Variants in PASD1 observed in about 807,000 individuals in gnomAD.
PASD1 encodes PAS domain containing repressor 1.
A neutral mutation model predicts 58.8 loss-of-function variants in PASD1; 13 were observed. The observed-to-expected ratio is 0.22, with a 90% CI of 0.14 to 0.35. PASD1 has a LOEUF of 0.35. PASD1 is among the 10% of genes least tolerant of loss of function. PASD1 has a pLI of 1.00. For missense variants in PASD1, 734 were observed against 568.3 expected, an observed-to-expected ratio of 1.29 and a Z score of -2.96; for synonymous variants, 236 against 216.7, an observed-to-expected ratio of 1.09 and a Z score of -0.78.
chrX:151,649,477 T>C (rs1048020694), intron 9 of PASD1, among the ~76,000 whole-genome samples: 10 of 111,862 alleles, frequency 8.9e-5, no homozygotes, highest in African/African-American at 3.3e-4. Flanking sequence ...TCCTCATCTG[T>C]AAAATGGAAG....
rs962019943 is a variant in PASD1 at position 151,650,782 on chromosome X, G to A, written c.717+2080G>A. ...GAGCAATTGGAAATCAATGAGAGGA[G>A]CTTCACAGTTACCAGAGCTTACTAC... On this transcript the variant is annotated intron_variant, in intron 9 of 15. Transcript: ENST00000370357. Among the ~76,000 whole-genome samples the A allele has an allele frequency of 3.6e-5, 4 of 111,784 alleles. No homozygotes were observed. The Admixed American group carries it at 3.8e-4, about 11-fold the overall frequency.
chrX:151,618,186 T>G (rs1454634985), intron 4 of PASD1, among the ~76,000 whole-genome samples: 1 of 112,001 alleles, frequency 8.9e-6, no homozygotes, highest in Non-Finnish European at 1.9e-5. Context: ...TTTCTATCCT[T>G]AATCAAGCCA....
intron 7 of PASD1, 126 bp downstream of exon 7, chrX:151,623,190 G>T: frequency 1.3e-6 from 1 of 768,481 alleles, no homozygotes; most frequent in Non-Finnish European, 1.8e-6. Flanking sequence ...GCAGAGGGTT[G>T]TGCTGGGATA....
chrX:151,635,857 AAG>A (rs1349949634), intron 8 of PASD1, among the ~76,000 whole-genome samples: 1 of 100,106 alleles, frequency 1.0e-5, no homozygotes, highest in Non-Finnish European at 2.1e-5. Context: ...GAAAATTGTT[AAG>A]AGAGTAGATT....
rs757151194 is a variant in PASD1, at chrX:151,674,911, G to T, written c.2175+725G>T. 9.9e-5 allele frequency among the ~76,000 whole-genome samples: 11 copies of T among 111,414 alleles called. No homozygotes were observed. In the Admixed American group the frequency reaches 1.0e-3, roughly 11 times the overall value. On this transcript the variant is annotated intron_variant, in intron 15 of 15. Coordinates refer to ENST00000370357, the MANE Select transcript of PASD1 (RefSeq NM_173493.3). The stretch of plus-strand genomic sequence containing the variant: ...GCAGAAAGGAGTTTAAATACTTGAG[G>T]CAAGCAAATGTATGATTATTTTCAC...
chrX:151,672,235 G>C lies in PASD1; in HGVS notation c.1490G>C (p.Arg497Pro), dbSNP rs201718557. The C allele has an allele frequency of 3.9e-4, 449 of 1,137,686 alleles. 1 individual carries two copies. Among genetic ancestry groups the C allele is most frequent in the Non-Finnish European group, 5.1e-4 (435 of 850,643 alleles). 93.8% of individuals were successfully genotyped at this position (1,137,686 alleles called of 1,213,427 possible). Reference sequence around the variant, plus strand: ...CTGAAGGAGCAGCAGCGGCAGCTGCGGGAGCAGCTGCAACAGCTGAGAGAG... The same window carrying C: ...CTGAAGGAGCAGCAGCGGCAGCTGCCGGAGCAGCTGCAACAGCTGAGAGAG... Reference protein sequence around the residue: ...QHLKEQQRQLREQLQQLREQR... With the variant: ...QHLKEQQRQLPEQLQQLREQR... The change falls in exon 14 of 16, where the codon CGG becomes CCG. Residue 497 changes from arginine (R) to proline (P), a missense_variant. Arg to Pro is a moderately radical substitution (Grantham distance 103). Transcript: ENST00000370357.
At chrX:151,619,097 C>CT (rs2013673260) in intron 4 of PASD1, among the ~76,000 whole-genome samples, 3 of 110,731 alleles carry the variant, frequency 2.7e-5, no homozygotes, top group African/African-American at 9.9e-5. Flanking sequence ...ACGGCTACTG[C>CT]AGTAATCCAA....
At chrX:151,622,788 A>C in intron 6 of PASD1, 149 bp from the exon 7 acceptor site, 1 of 556,638 alleles carries the variant, frequency 1.8e-6, no homozygotes, top group Non-Finnish European at 2.8e-6. Context: ...AGGGTGGCTG[A>C]AAAGGAAAGA....
chrX:151,663,488 A>G (rs192377412), intron 10 of PASD1, among the ~76,000 whole-genome samples: 19 of 112,497 alleles, frequency 1.7e-4, no homozygotes, highest in Non-Finnish European at 2.6e-4. Flanking sequence ...GTGTTTTTTG[A>G]TCATGAATAA....
Position 151,672,378 on chromosome X carries a change from G to A in PASD1, c.1633G>A (p.Glu545Lys). ...GCGGCAAAAGAAGAAGAAGCTACAG[G>A]AGCGGAAGAAGTGGCAGGGGCAGAT... ...QRRQKKKKLQERKKWQGQMLQ... is the reference protein window; with the variant it reads ...QRRQKKKKLQKRKKWQGQMLQ... The change falls in exon 14 of 16, where the codon GAG becomes AAG. Residue 545 changes from glutamate to lysine, a missense_variant. By Grantham distance (56) the Glu-to-Lys change is moderately conservative. Coordinates refer to ENST00000370357, the MANE Select transcript of PASD1 (RefSeq NM_173493.3). The A allele has an allele frequency of 2.5e-6, 3 of 1,206,349 alleles. No individual in the cohort carries two copies. The highest frequency in any genetic ancestry group is 4.8e-4 in the Middle Eastern group (2 of 4,144).
chrX:151,573,947 T>C (rs779515260), intron 1 of PASD1, among the ~76,000 whole-genome samples: 25 of 112,490 alleles, frequency 2.2e-4, no homozygotes, highest in Non-Finnish European at 4.5e-4. Context: ...AGAAATCATA[T>C]ATTGAACTTC....
intron 3 of PASD1, among the ~76,000 whole-genome samples, chrX:151,605,292 G>A (rs761883578): frequency 1.8e-5 from 2 of 111,579 alleles, no homozygotes; most frequent in South Asian, 7.6e-4. Flanking sequence ...CTTTAAAATG[G>A]GTAAAAATTA....
At position 151,664,099 on chromosome X, in the gene PASD1, C is replaced by A; in HGVS notation, c.842-20C>A. On this transcript the variant is annotated intron_variant, in intron 10 of 15. Transcript: ENST00000370357. ...CTTTTGCTTTTTAAGTCATGAACTC[C>A]CCTGTGCTTTCTTCCTCAGCCTTAT... The A allele has an allele frequency of 2.5e-6, 3 of 1,211,215 alleles. No individual in the cohort carries two copies. Among genetic ancestry groups the A allele is most frequent in the South Asian group, 1.8e-5 (1 of 56,930 alleles).
chrX:151,572,096 G>T (rs1028925743), intron 1 of PASD1, among the ~76,000 whole-genome samples: 4 of 111,454 alleles, frequency 3.6e-5, no homozygotes, highest in Non-Finnish European at 5.6e-5. Context: ...AGCCTGACCT[G>T]ACGACTTTGA....
intron 8 of PASD1, among the ~76,000 whole-genome samples, chrX:151,627,844 C>T (rs1393609224): frequency 3.6e-5 from 4 of 111,724 alleles, no homozygotes; most frequent in Admixed American, 9.5e-5. Context: ...GTTCCTATTT[C>T]TCCACATCCT....
At chrX:151,594,531 A>T (rs2013292140) in intron 1 of PASD1, among the ~76,000 whole-genome samples, 1 of 111,660 alleles carries the variant, frequency 9.0e-6, no homozygotes, top group African/African-American at 3.3e-5. Flanking sequence ...ATATTGTGCC[A>T]CTTCATGTAT....
chrX:151,634,252 T>C (rs981935448), intron 8 of PASD1, among the ~76,000 whole-genome samples: 6 of 111,348 alleles, frequency 5.4e-5, no homozygotes, highest in Non-Finnish European at 9.4e-5. Context: ...TCTCCCCATC[T>C]TTTCTTCCCT....
At chrX:151,653,195 TA>T (rs200048639) in intron 9 of PASD1, among the ~76,000 whole-genome samples, 16,195 of 95,261 alleles carry the variant, frequency 0.17, 1,394 homozygotes, top group Non-Finnish European at 0.24. Flanking sequence ...TATATATATA[TA>T]TTTTTTTTTT....
chrX:151,578,743 C>CT (rs2013046361), intron 1 of PASD1, among the ~76,000 whole-genome samples: 1 of 111,870 alleles, frequency 8.9e-6, no homozygotes, highest in Admixed American at 9.5e-5. Flanking sequence ...TCCCTCTCCT[C>CT]TGAGTGGCTT....
Sources: allele counts gnomAD v4.1 joint callset (sites outside exome capture counted in the v4.1 genomes callset), GRCh38; gene constraint gnomAD v4.1.1; transcripts MANE v1.5; gene names NCBI Gene and HGNC (gene_info 2026-07-23, HGNC 2026-07-21).